Variants in ZNF438 observed in about 807,000 individuals in gnomAD.
ZNF438 encodes zinc finger protein 438.
ZNF438 carries 25 observed loss-of-function variants against 38.0 expected under a neutral mutation model. The observed-to-expected ratio is 0.66, with a 90% CI of 0.48 to 0.92. The LOEUF (loss-of-function observed/expected upper bound fraction) is 0.92. ZNF438 is among the 40% of genes least tolerant of loss of function. The probability of loss-of-function intolerance (pLI) is 0.00; values close to 1 mark genes in which losing one functional copy is unlikely to be tolerated. For missense variants in ZNF438, 1,007 were observed against 999.6 expected, an observed-to-expected ratio of 1.01 and a Z score of -0.10; for synonymous variants, 372 against 364.1, an observed-to-expected ratio of 1.02 and a Z score of -0.25.
chr10:31,010,785 T>G (rs1177709386), intron 1 of ZNF438, among the ~76,000 whole-genome samples: 1 of 150,778 alleles, frequency 6.6e-6, no homozygotes, highest in Non-Finnish European at 1.5e-5. Context: ...GGTACTTTCT[T>G]GCATGACTGA....
chr10:31,014,731 T>G (rs2056036965), intron 1 of ZNF438, among the ~76,000 whole-genome samples: 1 of 152,156 alleles, frequency 6.6e-6, no homozygotes, highest in African/African-American at 2.4e-5. Context: ...ACTTACCACA[T>G]AAATCTGTTG....
At chr10:31,008,478 T>C (rs2055361924) in intron 1 of ZNF438, among the ~76,000 whole-genome samples, 1 of 152,204 alleles carries the variant, frequency 6.6e-6, no homozygotes, top group Admixed American at 6.5e-5. Flanking sequence ...ACAAATCTAC[T>C]TTCTGTCCCT....
intron 4 of ZNF438, among the ~76,000 whole-genome samples, chr10:30,872,486 G>C (rs1250809021): frequency 7.4e-6 from 1 of 134,982 alleles, no homozygotes; most frequent in African/African-American, 2.7e-5. Flanking sequence ...CGCAGTGGCT[G>C]ACACCTGTAA....
chr10:30,940,145 AT>A (rs2046665479), intron 2 of ZNF438, among the ~76,000 whole-genome samples: 1 of 152,198 alleles, frequency 6.6e-6, no homozygotes, highest in African/African-American at 2.4e-5. Flanking sequence ...AAAGGAAATG[AT>A]GAGAGAAAAA....
rs1375363354 is a variant in ZNF438 at position 30,962,648 on chromosome 10, A to G, written c.-191-20997T>C. Among the ~76,000 whole-genome samples the G allele has an allele frequency of 4.8e-5, 7 of 147,360 alleles. 2 individuals are homozygous for G. The Admixed American group carries it at 4.8e-4, about 10-fold the overall frequency. On this transcript the variant is annotated intron_variant, in intron 1 of 5. Coordinates refer to ENST00000413025, the Ensembl canonical transcript of ZNF438. ...ACCTTTAATCACGGATCACTTAGTAATATCTTGAAAGAATCTAGGTCTTTA... is the reference window on the plus strand; with the variant it reads ...ACCTTTAATCACGGATCACTTAGTAGTATCTTGAAAGAATCTAGGTCTTTA...
intron 1 of ZNF438, among the ~76,000 whole-genome samples, chr10:31,017,902 A>C (rs888494602): frequency 6.6e-6 from 1 of 152,262 alleles, no homozygotes; most frequent in African/African-American, 2.4e-5. Flanking sequence ...GCAATGTCCC[A>C]AACAGGCTTA....
intron 1 of ZNF438, among the ~76,000 whole-genome samples, chr10:31,005,616 C>A (rs1221202789): frequency 6.6e-6 from 1 of 152,018 alleles, no homozygotes. Flanking sequence ...TAATACTGTA[C>A]TGTATTTGAG....
At chr10:30,934,064 T>A (rs1452659436) in intron 2 of ZNF438, among the ~76,000 whole-genome samples, 4 of 150,982 alleles carry the variant, frequency 2.6e-5, no homozygotes, top group African/African-American at 9.8e-5. Context: ...GAGAATGGTG[T>A]GAACCCGGGA....
intron 1 of ZNF438, among the ~76,000 whole-genome samples, chr10:30,955,193 T>C (rs750761492): frequency 2.0e-5 from 3 of 152,164 alleles, no homozygotes; most frequent in Non-Finnish European, 4.4e-5. Context: ...AGACTCAGGG[T>C]AAAGAAGAGT....
chr10:30,918,864 C>G (rs1396295405), intron 2 of ZNF438: 1 of 152,174 alleles, frequency 6.6e-6, no homozygotes, highest in Non-Finnish European at 1.5e-5. Flanking sequence ...TTGCATCGAT[C>G]TTTTAGGTAT....
chr10:30,849,697 A>G, exon 5 of ZNF438: 1 of 1,614,146 alleles, frequency 6.2e-7, no homozygotes, highest in Non-Finnish European at 8.5e-7. Flanking sequence ...CTTTCCCTGA[A>G]AGAGCTGTGA....
exon 6 of ZNF438, chr10:30,844,726 G>C (rs1296959977): frequency 6.4e-6 from 3 of 468,470 alleles, no homozygotes; most frequent in African/African-American, 5.9e-5. Context: ...GAAAGTCTAA[G>C]ATATTAAGAA....
At chr10:30,973,572 G>A (rs989418385) in intron 1 of ZNF438, among the ~76,000 whole-genome samples, 17 of 151,968 alleles carry the variant, frequency 1.1e-4, no homozygotes, top group Middle Eastern at 3.2e-3. Flanking sequence ...TTCATGATAC[G>A]TGTTTACTAA....
chr10:30,957,677 TG>T (rs1423448032), intron 1 of ZNF438, among the ~76,000 whole-genome samples: 1 of 152,234 alleles, frequency 6.6e-6, no homozygotes, highest in Non-Finnish European at 1.5e-5. Flanking sequence ...CATGGATTTC[TG>T]GGTTCTCTAT....
intron 2 of ZNF438, among the ~76,000 whole-genome samples, chr10:30,933,203 C>T (rs1238495392): frequency 6.6e-6 from 1 of 152,080 alleles, no homozygotes; most frequent in Non-Finnish European, 1.5e-5. Flanking sequence ...TTAAACCTTC[C>T]TCTAAATTCT....
chr10:30,951,097 C>T (rs1332981695), intron 1 of ZNF438, among the ~76,000 whole-genome samples: 34 of 144,540 alleles, frequency 2.4e-4, no homozygotes, highest in East Asian at 1.6e-3. Context: ...GTTCAATATA[C>T]GCAAATCAAT....
chr10:30,873,378 T>C (rs2934629), intron 4 of ZNF438, among the ~76,000 whole-genome samples: 19,087 of 152,230 alleles, frequency 0.13, 1,594 homozygotes, highest in Middle Eastern at 0.24. Flanking sequence ...AATCTCTTTA[T>C]CTGAAATTAG....
At chr10:30,906,594 C>A (rs2042609303) in intron 3 of ZNF438, among the ~76,000 whole-genome samples, 1 of 152,178 alleles carries the variant, frequency 6.6e-6, no homozygotes, top group Non-Finnish European at 1.5e-5. Context: ...TTAGAACCTC[C>A]AGTACAAAGT....
chr10:30,939,273 T>G (rs1343628368), intron 2 of ZNF438, among the ~76,000 whole-genome samples: 2 of 152,238 alleles, frequency 1.3e-5, no homozygotes, highest in African/African-American at 4.8e-5. Context: ...CCTTGAGGGT[T>G]GTTTATGTGC....
Sources: allele counts gnomAD v4.1 joint callset (sites outside exome capture counted in the v4.1 genomes callset), GRCh38; gene constraint gnomAD v4.1.1; transcripts MANE v1.5; gene names NCBI Gene and HGNC (gene_info 2026-07-23, HGNC 2026-07-21).